GRAP2: variants seen among roughly 807,000 people sequenced by gnomAD.
GRAP2 encodes the protein GRB2-related adapter protein 2.
In GRAP2, 31 loss-of-function variants were observed where a neutral mutation model predicts 43.5. That is an observed-to-expected ratio of 0.71 (90% confidence interval 0.54 to 0.96). The LOEUF is 0.96. GRAP2 is among the 40% of genes least tolerant of loss of function. The pLI is 0.00. For missense variants in GRAP2, 371 were observed against 424.4 expected (o/e 0.87, Z 1.11); for synonymous variants, 156 against 164.8 (o/e 0.95, Z 0.41).
intron 1 of GRAP2, among the ~76,000 whole-genome samples, chr22:39,903,163 C>T (rs1281532155): frequency 2.0e-5 from 3 of 152,150 alleles, no homozygotes; most frequent in Admixed American, 1.3e-4. Flanking sequence ...GATTCCATCA[C>T]GATTTCTTAA....
At chr22:39,909,837 A>T (rs2066547369) in intron 1 of GRAP2, among the ~76,000 whole-genome samples, 1 of 152,218 alleles carries the variant, frequency 6.6e-6, no homozygotes, top group South Asian at 2.1e-4. Flanking sequence ...GCATCAATGC[A>T]TCCACAAAGC....
At chr22:39,907,544 C>T (rs2145570404) in intron 1 of GRAP2, among the ~76,000 whole-genome samples, 1 of 152,296 alleles carries the variant, frequency 6.6e-6, no homozygotes, top group Non-Finnish European at 1.5e-5. Flanking sequence ...TGAGACCAGC[C>T]TGGGCAACAT....
chr22:39,894,029 A>T, the GRAP2 span, among the ~76,000 whole-genome samples: 1 of 151,940 alleles, frequency 6.6e-6, no homozygotes, highest in Non-Finnish European at 1.5e-5. Context: ...TGCTTTCTTA[A>T]TTAAATAAAA....
intron 1 of GRAP2, among the ~76,000 whole-genome samples, chr22:39,921,573 A>G (rs955319196): frequency 6.6e-6 from 1 of 152,178 alleles, no homozygotes; most frequent in African/African-American, 2.4e-5. Context: ...TCCTTGGAGT[A>G]CAATCTTTTA....
rs577778181 is a variant in GRAP2 at position 39,927,649 on chromosome 22, A to T, written c.-14-19444A>T. Among the ~76,000 whole-genome samples the T allele has an allele frequency of 1.1e-4, 16 of 152,252 alleles. No homozygotes were observed. In the South Asian group the frequency reaches 2.7e-3, roughly 26 times the overall value. On this transcript the variant is annotated intron_variant, in intron 1 of 7. Transcript: ENST00000344138. Reference sequence around the variant, plus strand: ...TTCAACCTTGGTCCATCCAGGCCCAATCGATCTAAGGCATGACTTTTTTTT... The same window carrying T: ...TTCAACCTTGGTCCATCCAGGCCCATTCGATCTAAGGCATGACTTTTTTTT...
At chr22:39,920,297 T>A (rs1569195755) in intron 1 of GRAP2, among the ~76,000 whole-genome samples, 1 of 152,224 alleles carries the variant, frequency 6.6e-6, no homozygotes, top group Non-Finnish European at 1.5e-5. Flanking sequence ...CCCTGCTGAA[T>A]GTCAGGCACT....
intron 1 of GRAP2, among the ~76,000 whole-genome samples, chr22:39,920,683 A>G (rs2066641537): frequency 6.6e-6 from 1 of 152,146 alleles, no homozygotes. Context: ...TGGAAAAAAT[A>G]ACAGGGAAGA....
chr22:39,971,095 G>T lies in GRAP2; in HGVS notation c.*11G>T. The T allele has an allele frequency of 6.3e-7, 1 of 1,596,758 alleles. No homozygotes were observed. ...CCCATGACCCGATAAACTCTTCAGG[G>T]GACAGAAGCTTTTTGTCTGGAGCTG... On this transcript the variant is annotated 3_prime_UTR_variant, in exon 8 of 8. Coordinates refer to ENST00000344138, the MANE Select transcript of GRAP2 (RefSeq NM_004810.4).
At chr22:39,908,883 A>C (rs377448597) in intron 1 of GRAP2, among the ~76,000 whole-genome samples, 16 of 152,268 alleles carry the variant, frequency 1.1e-4, no homozygotes, top group African/African-American at 3.9e-4. Flanking sequence ...AGGTCACTGG[A>C]CTGTGGGAGG....
At chr22:39,954,423 G>T (rs551354013) in intron 2 of GRAP2, among the ~76,000 whole-genome samples, 13 of 151,818 alleles carry the variant, frequency 8.6e-5, no homozygotes, top group Non-Finnish European at 1.5e-4. Flanking sequence ...TTTGAGAGAG[G>T]CTTGCTCTGT....
chr22:39,959,619 G>A (rs1212852909), intron 3 of GRAP2, among the ~76,000 whole-genome samples: 9 of 152,120 alleles, frequency 5.9e-5, no homozygotes. Flanking sequence ...AGCACCCCAG[G>A]CCCTGCTCAG....
chr22:39,940,353 G>T (rs1490518376), intron 1 of GRAP2, among the ~76,000 whole-genome samples: 1 of 151,000 alleles, frequency 6.6e-6, no homozygotes, highest in African/African-American at 2.4e-5. Flanking sequence ...TGGTCTCTTG[G>T]TGAGGCCCAG....
chr22:39,907,417 A>G (rs1217080969), intron 1 of GRAP2, among the ~76,000 whole-genome samples: 2 of 152,150 alleles, frequency 1.3e-5, no homozygotes, highest in Non-Finnish European at 2.9e-5. Flanking sequence ...AATAGGAAAA[A>G]TTGTCTTTCT....
At chr22:39,952,244 C>A (rs758821011) in intron 2 of GRAP2, among the ~76,000 whole-genome samples, 1 of 152,064 alleles carries the variant, frequency 6.6e-6, no homozygotes, top group Non-Finnish European at 1.5e-5. Flanking sequence ...CCAGGCTGGT[C>A]TCAAACTCCT....
At chr22:39,969,359 G>A in intron 6 of GRAP2, 52 bp from the exon 7 acceptor site, 6 of 1,608,770 alleles carry the variant, frequency 3.7e-6, no homozygotes, top group Non-Finnish European at 5.1e-6. Context: ...GGGGGAACCG[G>A]TGGGAGATGT....
intron 1 of GRAP2, among the ~76,000 whole-genome samples, chr22:39,916,882 G>A (rs1026489210): frequency 4.6e-5 from 7 of 150,926 alleles, no homozygotes; most frequent in Non-Finnish European, 5.9e-5. Context: ...TTTTTTTTTC[G>A]GAATCTTCTT....
chr22:39,942,328 C>T (rs1268539845), intron 1 of GRAP2, among the ~76,000 whole-genome samples: 2 of 152,102 alleles, frequency 1.3e-5, no homozygotes, highest in Non-Finnish European at 2.9e-5. Context: ...TGTCGAACAA[C>T]AAGGCTGTGG....
At chr22:39,915,633 C>T (rs963583353) in intron 1 of GRAP2, among the ~76,000 whole-genome samples, 3 of 152,150 alleles carry the variant, frequency 2.0e-5, no homozygotes, top group African/African-American at 7.2e-5. Context: ...TTTCTATAAG[C>T]AGAAGTTACT....
At chr22:39,932,480 G>A (rs2066765318) in intron 1 of GRAP2, among the ~76,000 whole-genome samples, 2 of 149,496 alleles carry the variant, frequency 1.3e-5, no homozygotes, top group Admixed American at 1.3e-4. Flanking sequence ...GGAGGCTGAG[G>A]CAGGAGGATC....
Sources: allele counts gnomAD v4.1 joint callset (sites outside exome capture counted in the v4.1 genomes callset), GRCh38; gene constraint gnomAD v4.1.1; transcripts MANE v1.5; gene names NCBI Gene and HGNC (gene_info 2026-07-23, HGNC 2026-07-21).